RXFP2: variants seen among roughly 807,000 people sequenced by gnomAD.
RXFP2 encodes the protein relaxin family peptide receptor 2, also known as relaxin receptor 2.
RXFP2 carries 68 observed loss-of-function variants against 88.6 expected under a neutral mutation model. The observed-to-expected ratio is 0.77, with a 90% CI of 0.63 to 0.94. The LOEUF (loss-of-function observed/expected upper bound fraction) is 0.94, where lower values mean the gene tolerates loss of function less well. RXFP2 is among the 40% of genes least tolerant of loss of function. The pLI is 0.00. For missense variants in RXFP2, 791 were observed against 893.9 expected, an observed-to-expected ratio of 0.88 and a Z score of 1.47; for synonymous variants, 329 against 306.8, an observed-to-expected ratio of 1.07 and a Z score of -0.76.
intron 1 of RXFP2, among the ~76,000 whole-genome samples, chr13:31,754,509 T>G (rs1002964476): frequency 6.6e-6 from 1 of 151,948 alleles, no homozygotes; most frequent in African/African-American, 2.4e-5. Context: ...CCAGCCTGGG[T>G]GACAGGGCAA....
At chr13:31,780,981 T>C (rs1379765254) in intron 9 of RXFP2, among the ~76,000 whole-genome samples, 1 of 152,208 alleles carries the variant, frequency 6.6e-6, no homozygotes, top group African/African-American at 2.4e-5. Flanking sequence ...GCATTGCCCT[T>C]GGCATTAGCG....
intron 1 of RXFP2, among the ~76,000 whole-genome samples, chr13:31,747,224 G>A (rs116203448): frequency 0.017 from 2,523 of 152,076 alleles, 69 homozygotes; most frequent in African/African-American, 0.058. Context: ...GCTGTGACCC[G>A]ATTCTCAAAA....
chr13:31,799,489 A>C (rs534488872), intron 17 of RXFP2, among the ~76,000 whole-genome samples: 1 of 152,288 alleles, frequency 6.6e-6, no homozygotes, highest in African/African-American at 2.4e-5. Flanking sequence ...TGCTGGGATT[A>C]CAAGCGTGAA....
rs373213732 is a variant in RXFP2, at chr13:31,771,488, C to T, written c.498-3132C>T. 1.9e-3 allele frequency among the ~76,000 whole-genome samples: 284 copies of T among 152,264 alleles called. 1 individual carries two copies. The highest frequency in any genetic ancestry group is 6.3e-3 in the African/African-American group (261 of 41,558). On this transcript the variant is annotated intron_variant, in intron 5 of 17. Transcript: ENST00000298386. ...TTGAATCATCCTGAAACCATCCCCC[C>T]TCTCCATCCATAGAAAAATTGGCCA...
At chr13:31,755,126 AG>A (rs894536398) in intron 1 of RXFP2, among the ~76,000 whole-genome samples, 1 of 152,234 alleles carries the variant, frequency 6.6e-6, no homozygotes, top group African/African-American at 2.4e-5. Context: ...AAAGAGGTTA[AG>A]TAGCTTACCT....
intron 1 of RXFP2, 103 bp downstream of exon 1, chr13:31,739,809 A>C: frequency 2.6e-6 from 2 of 775,826 alleles, no homozygotes; most frequent in Non-Finnish European, 4.5e-6. Context: ...GTGTTTAAAA[A>C]AAAAACAGAC....
At chr13:31,777,484 A>G in intron 8 of RXFP2, 37 bp downstream of exon 8, 1 of 1,408,070 alleles carries the variant, frequency 7.1e-7, no homozygotes, top group African/African-American at 1.4e-5. Flanking sequence ...ATCTATCGAT[A>G]CATTGCAATG....
intron 16 of RXFP2, 41 bp downstream of exon 16, chr13:31,793,129 G>T (rs1456986515): frequency 1.3e-6 from 2 of 1,526,060 alleles, no homozygotes; most frequent in Non-Finnish European, 1.8e-6. Flanking sequence ...ACATAATTTT[G>T]CTAGAAATAC....
chr13:31,788,146 A>AAT (rs1399150812), intron 13 of RXFP2, among the ~76,000 whole-genome samples: 1 of 151,966 alleles, frequency 6.6e-6, no homozygotes, highest in Admixed American at 6.6e-5. Flanking sequence ...AGAAAAAAAA[A>AAT]AAAAGGAAAA....
intron 15 of RXFP2, 44 bp downstream of exon 15, chr13:31,792,079 G>C: frequency 7.2e-7 from 1 of 1,395,422 alleles, no homozygotes; most frequent in South Asian, 1.2e-5. Context: ...TATCTTCTGT[G>C]AGTTGTGCAC....
intron 17 of RXFP2, among the ~76,000 whole-genome samples, chr13:31,801,618 A>G (rs1410316429): frequency 1.3e-5 from 2 of 152,150 alleles, no homozygotes; most frequent in African/African-American, 4.8e-5. Flanking sequence ...GCTGCACACA[A>G]GAGAATTTCA....
At chr13:31,740,624 T>C (rs1428808040) in intron 1 of RXFP2, among the ~76,000 whole-genome samples, 1 of 152,018 alleles carries the variant, frequency 6.6e-6, no homozygotes, top group Non-Finnish European at 1.5e-5. Flanking sequence ...AATGCAATAC[T>C]TATGAGGAAT....
intron 11 of RXFP2, among the ~76,000 whole-genome samples, chr13:31,783,418 T>A (rs964019413): frequency 4.6e-5 from 7 of 152,352 alleles, no homozygotes; most frequent in African/African-American, 1.4e-4. Flanking sequence ...AGAAAACTCA[T>A]CTTTCTGATT....
At chr13:31,745,544 G>A (rs1007894753) in intron 1 of RXFP2, among the ~76,000 whole-genome samples, 14 of 152,144 alleles carry the variant, frequency 9.2e-5, no homozygotes, top group South Asian at 6.2e-4. Context: ...CTGCCAGTTG[G>A]GCTGCACTAA....
chr13:31,803,360 G>T lies in RXFP2; in HGVS notation c.*955G>T, dbSNP rs1257850859. The T allele has an allele frequency of 1.3e-5, 2 of 152,128 alleles. No homozygotes were observed. Among genetic ancestry groups the T allele is most frequent in the Non-Finnish European group, 2.9e-5 (2 of 68,016 alleles). The allele number at this position is 152,128 out of a possible 1,614,324, so 9.4% of individuals were successfully genotyped here. A position where few individuals can be genotyped will look rare whatever the true frequency, so the allele number is the denominator to read the frequency against. ...TGAAAAAAATTATATGTGAAAATGAGAACTGGGTAAATAAAATTATATTTT... is the reference window on the plus strand; with the variant it reads ...TGAAAAAAATTATATGTGAAAATGATAACTGGGTAAATAAAATTATATTTT... On this transcript the variant is annotated 3_prime_UTR_variant, in exon 18 of 18. Transcript: ENST00000298386.
intron 1 of RXFP2, 152 bp downstream of exon 1, chr13:31,739,858 T>G (rs1024757892): frequency 1.5e-6 from 1 of 670,064 alleles, no homozygotes; most frequent in Non-Finnish European, 2.7e-6. Flanking sequence ...CTTTCATTGC[T>G]TGTAGTCCCA....
At chr13:31,754,842 T>A (rs1222837068) in intron 1 of RXFP2, among the ~76,000 whole-genome samples, 3 of 152,246 alleles carry the variant, frequency 2.0e-5, no homozygotes, top group Admixed American at 6.5e-5. Context: ...GGGAAGCTTT[T>A]ATTTTAGTCC....
chr13:31,786,320 G>A lies in RXFP2; in HGVS notation c.930-63G>A. On this transcript the variant is annotated intron_variant, in intron 11 of 17. Coordinates refer to ENST00000298386, the MANE Select transcript of RXFP2 (RefSeq NM_130806.5). ...TCAAATGGGATGATGATAATTGTGA[G>A]GAGTAATAAGTCTGTCATTTACTTC... 4.7e-6 allele frequency: 5 copies of A among 1,072,362 alleles called. No homozygotes were observed. The South Asian group carries it at 6.3e-5, about 13-fold the overall frequency. 66.4% of individuals were successfully genotyped at this position (1,072,362 alleles called of 1,614,324 possible).
intron 15 of RXFP2, 123 bp downstream of exon 15, chr13:31,792,158 A>AT (rs202033181): frequency 1.7e-3 from 1,209 of 729,680 alleles, no homozygotes; most frequent in Middle Eastern, 2.3e-3. Flanking sequence ...TCCTGGGCAC[A>AT]TTTTTTTTTC....
Sources: allele counts gnomAD v4.1 joint callset (sites outside exome capture counted in the v4.1 genomes callset), GRCh38; gene constraint gnomAD v4.1.1; transcripts MANE v1.5; gene names NCBI Gene and HGNC (gene_info 2026-07-23, HGNC 2026-07-21).